The following EPB41L4A variants were observed in gnomAD, a reference collection of about 807,000 sequenced individuals.
EPB41L4A encodes erythrocyte membrane protein band 4.1 like 4A.
In EPB41L4A, 100 loss-of-function variants were observed where a neutral mutation model predicts 108.6. That is an observed-to-expected ratio of 0.92 (90% confidence interval 0.78 to 1.09). The LOEUF is 1.09. Among genes scored for constraint, EPB41L4A ranks in the 50% least tolerant of loss-of-function variants. The pLI is 0.00. For missense variants in EPB41L4A, 1,030 were observed against 842.7 expected, an observed-to-expected ratio of 1.22 and a Z score of -2.75; for synonymous variants, 319 against 289.0, an observed-to-expected ratio of 1.10 and a Z score of -1.05.
At chr5:112,264,143 G>GA (rs1409784974) in intron 6 of EPB41L4A, 3 of 152,118 alleles carry the variant, frequency 2.0e-5, no homozygotes, top group Admixed American at 2.0e-4. Flanking sequence ...TAATAGATCT[G>GA]AAACCAAGTA....
chr5:112,324,584 G>A (rs1376647265), intron 1 of EPB41L4A, among the ~76,000 whole-genome samples: 8 of 151,900 alleles, frequency 5.3e-5, no homozygotes, highest in Non-Finnish European at 7.4e-5. Flanking sequence ...TTAGCCAGGC[G>A]TGGTGGAACG....
chr5:112,351,303 C>A (rs1270299125), intron 1 of EPB41L4A, among the ~76,000 whole-genome samples: 2 of 152,026 alleles, frequency 1.3e-5, no homozygotes, highest in Non-Finnish European at 2.9e-5. Flanking sequence ...ACTGATAGCA[C>A]AGAAATACAA....
chr5:112,247,502 T>C (rs189739780), intron 9 of EPB41L4A, among the ~76,000 whole-genome samples: 20 of 152,314 alleles, frequency 1.3e-4, no homozygotes, highest in Admixed American at 1.3e-3. Context: ...TACCACCTAC[T>C]AGAAATGATG....
Position 112,355,436 on chromosome 5 carries a change from A to G in EPB41L4A, c.100-47946T>C, listed in dbSNP as rs17134388. On this transcript the variant is annotated intron_variant, in intron 1 of 22. Transcript: ENST00000261486. Reference sequence around the variant, plus strand: ...AAACACCTATAACCTCCTTTCCACAAACATGTTTCACACTTCAAAATGAGG... The same window carrying G: ...AAACACCTATAACCTCCTTTCCACAGACATGTTTCACACTTCAAAATGAGG... Among the ~76,000 whole-genome samples, 656 of 152,296 alleles carry G rather than the reference A, an allele frequency of 4.3e-3. 8 individuals carry two copies. The highest frequency in any genetic ancestry group is 0.015 in the African/African-American group (640 of 41,570).
At chr5:112,161,726 T>C (rs539073923), downstream of EPB41L4A, 4 of 459,702 alleles carry the variant, frequency 8.7e-6, no homozygotes, top group East Asian at 5.6e-5. Context: ...GCCTGAAGTG[T>C]AGACTGCTGC....
chr5:112,280,325 T>A lies in EPB41L4A; in HGVS notation c.205-2A>T. On this transcript the variant is annotated splice_acceptor_variant, in intron 2 of 22. Transcript: ENST00000261486. LOFTEE classifies it high-confidence loss of function. Reference sequence around the variant, plus strand: ...GGTTTTTGCAGGATCCAGCCAATACTGTGTGAGGAAGAAAAGGACAATTAA... The same window carrying A: ...GGTTTTTGCAGGATCCAGCCAATACAGTGTGAGGAAGAAAAGGACAATTAA... 2 of 1,613,598 alleles carry A rather than the reference T, an allele frequency of 1.2e-6. No individual in the cohort carries two copies. Among genetic ancestry groups the A allele is most frequent in the Non-Finnish European group, 1.7e-6 (2 of 1,179,498 alleles).
chr5:112,155,072 A>G (rs1301318893), intron 12 of EPB41L4A, among the ~76,000 whole-genome samples: 1 of 152,184 alleles, frequency 6.6e-6, no homozygotes, highest in Non-Finnish European at 1.5e-5. Context: ...AAATTGTCCC[A>G]CAAAGAAAAT....
intron 4 of EPB41L4A, among the ~76,000 whole-genome samples, chr5:112,269,972 C>G (rs929640366): frequency 3.9e-5 from 6 of 152,182 alleles, no homozygotes; most frequent in African/African-American, 4.8e-5. Context: ...ACACGAGAGA[C>G]GGGCCTGAAA....
At chr5:112,253,254 A>G (rs996214165) in intron 9 of EPB41L4A, among the ~76,000 whole-genome samples, 2 of 152,192 alleles carry the variant, frequency 1.3e-5, no homozygotes, top group Admixed American at 6.5e-5. Context: ...ATGCCCCCAG[A>G]TGAGACACCT....
chr5:112,382,352 TAGGA>T (rs1760227075), intron 1 of EPB41L4A, among the ~76,000 whole-genome samples: 1 of 152,104 alleles, frequency 6.6e-6, no homozygotes, highest in Admixed American at 6.5e-5. Flanking sequence ...TGTCAGAAAC[TAGGA>T]GCAAACCTGC....
intron 2 of EPB41L4A, among the ~76,000 whole-genome samples, chr5:112,285,333 G>A (rs908925347): frequency 6.6e-6 from 1 of 152,162 alleles, no homozygotes; most frequent in African/African-American, 2.4e-5. Flanking sequence ...GAGCCACAAA[G>A]ATCTCAAAAG....
intron 1 of EPB41L4A, among the ~76,000 whole-genome samples, chr5:112,323,603 G>A (rs1223763217): frequency 7.9e-5 from 12 of 152,218 alleles, no homozygotes; most frequent in Admixed American, 2.0e-4. Context: ...TATCAAAAAC[G>A]TTGTCTAATT....
At chr5:112,159,476 T>C (rs986327776), downstream of EPB41L4A, among the ~76,000 whole-genome samples, 1 of 152,238 alleles carries the variant, frequency 6.6e-6, no homozygotes, top group African/African-American at 2.4e-5. Context: ...GCTTAATTTT[T>C]GTGGTGATAA....
chr5:112,161,841 T>C, downstream of EPB41L4A: 2 of 292,932 alleles, frequency 6.8e-6, no homozygotes, highest in Non-Finnish European at 1.4e-5. Flanking sequence ...TTGGGGTTCC[T>C]TCTCTAGTGA....
intron 11 of EPB41L4A, among the ~76,000 whole-genome samples, chr5:112,236,174 G>T (rs1253738892): frequency 1.3e-5 from 2 of 152,016 alleles, no homozygotes; most frequent in African/African-American, 4.8e-5. Flanking sequence ...TTTTTCTCAT[G>T]GTTTCTCTCT....
chr5:112,419,146 G>A lies in EPB41L4A; in HGVS notation c.-107C>T. On this transcript the variant is annotated 5_prime_UTR_variant, in exon 1 of 23. Coordinates refer to ENST00000261486, the MANE Select transcript of EPB41L4A (RefSeq NM_022140.5). ...TAATTTATTGTCCGCGCCGTGGCGA[G>A]GGTGAGACGAGCAGCTCCCGGCGGG... The A allele has an allele frequency of 1.2e-6, 1 of 836,110 alleles. No homozygotes were observed. Among genetic ancestry groups the A allele is most frequent in the Admixed American group, 2.2e-5 (1 of 45,908 alleles). 51.8% of individuals were successfully genotyped at this position (836,110 alleles called of 1,614,324 possible).
chr5:112,391,002 A>T (rs1208771710), intron 1 of EPB41L4A, among the ~76,000 whole-genome samples: 1 of 152,228 alleles, frequency 6.6e-6, no homozygotes, highest in African/African-American at 2.4e-5. Context: ...AAGGAAAAGT[A>T]ACAAACAGAA....
chr5:112,186,473 T>G (rs1761432931), intron 17 of EPB41L4A, among the ~76,000 whole-genome samples: 1 of 152,206 alleles, frequency 6.6e-6, no homozygotes, highest in Non-Finnish European at 1.5e-5. Flanking sequence ...TCAGAAAGAA[T>G]TCAAGATTAT....
intron 7 of EPB41L4A, among the ~76,000 whole-genome samples, chr5:112,260,492 G>A (rs972142949): frequency 5.9e-5 from 9 of 152,094 alleles, no homozygotes; most frequent in South Asian, 2.1e-4. Flanking sequence ...TCTCCGATGC[G>A]GACAATCATG....
Sources: allele counts gnomAD v4.1 joint callset (sites outside exome capture counted in the v4.1 genomes callset), GRCh38; gene constraint gnomAD v4.1.1; transcripts MANE v1.5; gene names NCBI Gene and HGNC (gene_info 2026-07-23, HGNC 2026-07-21).